LRIG2: variants seen among roughly 807,000 people sequenced by gnomAD.
LRIG2 encodes the protein leucine rich repeats and immunoglobulin like domains 2.
In LRIG2, 93 loss-of-function variants were observed where a neutral mutation model predicts 107.8. The observed-to-expected ratio is 0.86, with a 90% confidence interval of 0.73 to 1.03. LRIG2 has a LOEUF of 1.03. Ranked by LOEUF, LRIG2 falls within the 50% of genes least tolerant of loss-of-function variation. The pLI is 0.00. For synonymous variants in LRIG2, 471 were observed against 470.6 expected (o/e 1.00, Z -0.01); for missense variants, 1,226 against 1,296.0 (o/e 0.95, Z 0.83).
rs577632228 is a variant in LRIG2 at position 113,080,677 on chromosome 1, C to T, written c.239+7032C>T. On this transcript the variant is annotated intron_variant, in intron 1 of 17. Transcript: ENST00000361127. ...ACAGGCGTGAGCCACTGTGCCCGGCCTGCTTCTGGTCTTTTAACTATCTTA... is the reference window on the plus strand; with the variant it reads ...ACAGGCGTGAGCCACTGTGCCCGGCTTGCTTCTGGTCTTTTAACTATCTTA... Among the ~76,000 whole-genome samples the T allele has an allele frequency of 1.2e-4, 19 of 152,230 alleles. No individual in the cohort carries two copies. In the South Asian group the frequency reaches 3.9e-3, roughly 32 times the overall value.
intron 1 of LRIG2, among the ~76,000 whole-genome samples, chr1:113,085,004 T>G (rs1001832701): frequency 1.3e-5 from 2 of 152,200 alleles, no homozygotes; most frequent in Non-Finnish European, 1.5e-5. Flanking sequence ...AATTATTGAT[T>G]TCATGTTTGG....
chr1:113,126,659 A>G lies in LRIG2; in HGVS notation c.*2558A>G, dbSNP rs2101078154. 1 of 152,634 alleles carries G rather than the reference A, an allele frequency of 6.6e-6. No homozygotes were observed. Among genetic ancestry groups the G allele is most frequent in the South Asian group, 2.1e-4 (1 of 4,822 alleles). 9.5% of individuals were successfully genotyped at this position (152,634 alleles called of 1,614,324 possible). A position where few individuals can be genotyped will look rare whatever the true frequency, so the allele number is the denominator to read the frequency against. ...TTTCTCTTTGCTTACTTCCTGTCAT[A>G]TTTTCAGTTTGCCCAAAAGAGGTAA... On this transcript the variant is annotated 3_prime_UTR_variant, in exon 18 of 18. Transcript: ENST00000361127.
At chr1:113,118,666 T>C (rs2101066573) in intron 16 of LRIG2, among the ~76,000 whole-genome samples, 1 of 152,164 alleles carries the variant, frequency 6.6e-6, no homozygotes, top group East Asian at 1.9e-4. Context: ...CAGTATGACT[T>C]TGTTTTTTTT....
chr1:113,099,460 G>A, intron 9 of LRIG2, among the ~76,000 whole-genome samples: 1 of 150,772 alleles, frequency 6.6e-6, no homozygotes, highest in Non-Finnish European at 1.5e-5. Flanking sequence ...GGCTGGTGTT[G>A]AACTCCTGGG....
intron 17 of LRIG2, among the ~76,000 whole-genome samples, chr1:113,120,160 A>T (rs529589884): frequency 1.3e-5 from 2 of 151,846 alleles, no homozygotes; most frequent in African/African-American, 4.8e-5. Context: ...AAAGAATAAA[A>T]TATGGGGGGC....
intron 16 of LRIG2, 49 bp downstream of exon 16, chr1:113,116,485 T>G: frequency 6.6e-7 from 1 of 1,506,524 alleles, no homozygotes; most frequent in Non-Finnish European, 9.0e-7. Context: ...TTCTATTGAG[T>G]TTACTTTTCA....
intron 1 of LRIG2, among the ~76,000 whole-genome samples, chr1:113,085,063 A>G (rs1653487012): frequency 6.6e-6 from 1 of 152,218 alleles, no homozygotes; most frequent in South Asian, 2.1e-4. Context: ...ACTTTGTTGT[A>G]AACCAGTTTT....
chr1:113,073,316 G>A lies in LRIG2; in HGVS notation c.-91G>A. On this transcript the variant is annotated 5_prime_UTR_variant, in exon 1 of 18. Coordinates refer to ENST00000361127, the MANE Select transcript of LRIG2 (RefSeq NM_014813.3). ...TTCAGCCGGGGCTTCGGGAGACAGT[G>A]CAGCCACCGAGCATCTCTGCTGAGC... is the stretch of plus-strand genomic sequence containing the variant. The A allele has an allele frequency of 9.5e-7, 1 of 1,049,256 alleles. No homozygotes were observed. Among genetic ancestry groups the A allele is most frequent in the Non-Finnish European group, 1.5e-6 (1 of 688,330 alleles). The allele number at this position is 1,049,256 out of a possible 1,614,324, so 65.0% of individuals were successfully genotyped here. A position where few individuals can be genotyped will look rare whatever the true frequency, so the allele number is the denominator to read the frequency against.
chr1:113,091,173 C>T (rs1653804541), intron 1 of LRIG2, 145 bp from the exon 2 acceptor site: 1 of 491,932 alleles, frequency 2.0e-6, no homozygotes, highest in South Asian at 3.7e-5. Context: ...ATCTGCCTGC[C>T]TCAGCCTCCC....
chr1:113,091,952 T>C (rs554445390), intron 2 of LRIG2, among the ~76,000 whole-genome samples: 4 of 152,352 alleles, frequency 2.6e-5, no homozygotes, highest in African/African-American at 7.2e-5. Flanking sequence ...CGTTAAGGTA[T>C]ATAGGCCTAT....
intron 3 of LRIG2, 23 bp downstream of exon 3, chr1:113,093,303 T>G (rs1338822146): frequency 1.6e-5 from 25 of 1,560,860 alleles, no homozygotes; most frequent in Non-Finnish European, 2.1e-5. Flanking sequence ...GTTTTCAGGT[T>G]TTTTACTTAA....
chr1:113,121,700 GTGAT>G (rs143556870), intron 17 of LRIG2, among the ~76,000 whole-genome samples: 4,314 of 151,316 alleles, frequency 0.029, 81 homozygotes, highest in Non-Finnish European at 0.044. Context: ...CTGAGATTGA[GTGAT>G]TGCACTCCAG....
Position 113,073,463 on chromosome 1 carries a change from A to G in LRIG2, c.57A>G (p.Arg19=). 6.2e-7 allele frequency: 1 copy of G among 1,613,942 alleles called. No homozygotes were observed. Among genetic ancestry groups the G allele is most frequent in the Non-Finnish European group, 8.5e-7 (1 of 1,179,984 alleles). Residue 19 remains arginine (R), a synonymous_variant, in exon 1 of 18, where the codon AGA becomes AGG. Coordinates refer to ENST00000361127, the MANE Select transcript of LRIG2 (RefSeq NM_014813.3). Reference sequence around the variant, plus strand: ...AGCAGTTGCTGGGGTGTCGATCTAGAGTGCTTTCTCGGTTACTCTTCATTG... The same window carrying G: ...AGCAGTTGCTGGGGTGTCGATCTAGGGTGCTTTCTCGGTTACTCTTCATTG... ...PEEQLLGCRS[R]VLSRLLFIAQ... is the part of the protein sequence containing the mutation.
intron 11 of LRIG2, among the ~76,000 whole-genome samples, chr1:113,102,524 C>T (rs1024930706): frequency 6.6e-6 from 1 of 152,032 alleles, no homozygotes; most frequent in East Asian, 1.9e-4. Context: ...CCCGCCTCGG[C>T]CTCCCAAAGT....
chr1:113,091,499 G>A (rs11102586), intron 2 of LRIG2, 116 bp downstream of exon 2: 2 of 613,602 alleles, frequency 3.3e-6, no homozygotes, highest in Non-Finnish European at 5.5e-6. Context: ...GAAAAAATTA[G>A]TTAAAAGAAA....
At chr1:113,084,343 G>A (rs1653445772) in intron 1 of LRIG2, among the ~76,000 whole-genome samples, 1 of 150,672 alleles carries the variant, frequency 6.6e-6, no homozygotes, top group South Asian at 2.1e-4. Flanking sequence ...AGCCTCCCGA[G>A]TAGCTGGGAC....
intron 13 of LRIG2, 99 bp from the exon 14 acceptor site, chr1:113,112,380 G>C (rs2101057409): frequency 1.0e-6 from 1 of 978,722 alleles, no homozygotes; most frequent in East Asian, 2.4e-5. Context: ...GGAACATTAG[G>C]GGGTGTCTTG....
intron 12 of LRIG2, among the ~76,000 whole-genome samples, chr1:113,108,437 T>C (rs1249244338): frequency 2.0e-5 from 3 of 151,604 alleles, no homozygotes; most frequent in East Asian, 2.0e-4. Flanking sequence ...TTGGCCAGGC[T>C]GGTCTTGAAC....
intron 13 of LRIG2, among the ~76,000 whole-genome samples, chr1:113,111,208 G>A (rs1161764796): frequency 6.6e-6 from 1 of 152,098 alleles, no homozygotes; most frequent in Non-Finnish European, 1.5e-5. Context: ...TCTAATTTTT[G>A]TATTTTTAGT....
Sources: allele counts gnomAD v4.1 joint callset (sites outside exome capture counted in the v4.1 genomes callset), GRCh38; gene constraint gnomAD v4.1.1; transcripts MANE v1.5; gene names NCBI Gene and HGNC (gene_info 2026-07-23, HGNC 2026-07-21).